Variants in PPM1L observed in about 807,000 individuals in gnomAD.
The protein encoded by PPM1L is protein phosphatase, Mg2+/Mn2+ dependent 1L, also known as protein phosphatase 1L.
Under a neutral mutation model 31.4 loss-of-function variants are expected in PPM1L, and 13 were observed. That is an observed-to-expected ratio of 0.41 (90% confidence interval 0.27 to 0.66). The LOEUF (loss-of-function observed/expected upper bound fraction) is 0.66. PPM1L is among the 30% of genes least tolerant of loss of function. PPM1L has a pLI of 0.29. For synonymous variants in PPM1L, 184 were observed against 175.4 expected (o/e 1.05, Z -0.39); for missense variants, 326 against 453.7 (o/e 0.72, Z 2.56).
At chr3:161,045,344 A>T in intron 2 of PPM1L, among the ~76,000 whole-genome samples, 1 of 152,222 alleles carries the variant, frequency 6.6e-6, no homozygotes, top group East Asian at 1.9e-4. Flanking sequence ...CATCGCACTT[A>T]TTCCAAAATT....
chr3:160,832,638 C>G (rs1026951871), intron 1 of PPM1L, among the ~76,000 whole-genome samples: 1 of 151,996 alleles, frequency 6.6e-6, no homozygotes, highest in Non-Finnish European at 1.5e-5. Flanking sequence ...CACTAAGCTT[C>G]CCCCAGTGAT....
chr3:161,057,042 A>G (rs1341012112), intron 2 of PPM1L, among the ~76,000 whole-genome samples: 1 of 151,576 alleles, frequency 6.6e-6, no homozygotes, highest in Non-Finnish European at 1.5e-5. Flanking sequence ...CAGCCCGGGC[A>G]ACAAGAGTGA....
rs1016158819 is a variant in PPM1L at position 160,980,589 on chromosome 3, G to A, written c.574+18679G>A. ...AGGCTGAGGTGAGAGGATCGCTTGA[G>A]CCCTGGAGGTTGAGGCTGCAGTGAG... On this transcript the variant is annotated intron_variant, in intron 2 of 3. Transcript: ENST00000498165. Among the ~76,000 whole-genome samples, 9 of 152,040 alleles carry A rather than the reference G, an allele frequency of 5.9e-5. 1 individual carries two copies. The highest frequency in any genetic ancestry group is 3.9e-4 in the Admixed American group (6 of 15,256).
At chr3:160,877,049 G>C (rs1466026622) in intron 1 of PPM1L, among the ~76,000 whole-genome samples, 1 of 152,156 alleles carries the variant, frequency 6.6e-6, no homozygotes, top group Non-Finnish European at 1.5e-5. Context: ...CAGGAATCCA[G>C]CCAAGGACAA....
chr3:160,852,607 A>C (rs1377820933), intron 1 of PPM1L, among the ~76,000 whole-genome samples: 1 of 152,184 alleles, frequency 6.6e-6, no homozygotes, highest in Non-Finnish European at 1.5e-5. Flanking sequence ...TGCTTCAAAA[A>C]CCAATGCTAT....
chr3:160,808,383 C>CTGTGTGTGTGTGTGTGTGTG (rs71912617), intron 1 of PPM1L, among the ~76,000 whole-genome samples: 7 of 110,366 alleles, frequency 6.3e-5, no homozygotes, highest in Non-Finnish European at 1.2e-4. Flanking sequence ...CAGGATTTTC[C>CTGTGTGTGTGTGTGTGTGTG]TGTGTGTGTG....
chr3:160,954,630 C>T (rs1559901656), intron 1 of PPM1L, among the ~76,000 whole-genome samples: 1 of 152,116 alleles, frequency 6.6e-6, no homozygotes, highest in East Asian at 1.9e-4. Flanking sequence ...TCCCAAAATC[C>T]TAGGATTACG....
chr3:160,825,772 A>G (rs959668936), intron 1 of PPM1L, among the ~76,000 whole-genome samples: 2 of 152,168 alleles, frequency 1.3e-5, no homozygotes, highest in African/African-American at 4.8e-5. Context: ...TTTTAGCAAC[A>G]AGAGATAAAT....
chr3:161,047,582 A>G (rs1426186620), intron 2 of PPM1L, among the ~76,000 whole-genome samples: 1 of 152,212 alleles, frequency 6.6e-6, no homozygotes, highest in Admixed American at 6.5e-5. Context: ...ATTGGAAAAA[A>G]CTACTTTAAA....
chr3:160,970,787 ATTT>A (rs71628437), intron 2 of PPM1L, among the ~76,000 whole-genome samples: 3 of 97,194 alleles, frequency 3.1e-5, no homozygotes, highest in African/African-American at 4.5e-5. Context: ...TTCAGTTATA[ATTT>A]TTTTTTTTTT....
intron 2 of PPM1L, among the ~76,000 whole-genome samples, chr3:160,971,459 G>A (rs1018994801): frequency 6.6e-6 from 1 of 152,180 alleles, no homozygotes; most frequent in Non-Finnish European, 1.5e-5. Flanking sequence ...TGCTCATGTG[G>A]GAGGGCAGAG....
In PPM1L at chr3:161,006,656, A is replaced by G. The variant is rs543270717; in HGVS notation, c.574+44746A>G. The stretch of plus-strand genomic sequence containing the variant: ...GTTTAAAGCTTTTATGCCATCAAAC[A>G]CTTCAGAAAACCCACCGTCTTTCCT... On this transcript the variant is annotated intron_variant, in intron 2 of 3. Transcript: ENST00000498165. Among the ~76,000 whole-genome samples the G allele has an allele frequency of 4.7e-5, 7 of 149,410 alleles. No individual in the cohort carries two copies. In the South Asian group the frequency reaches 1.1e-3, roughly 23 times the overall value.
At chr3:161,028,087 C>T (rs1187282083) in intron 2 of PPM1L, among the ~76,000 whole-genome samples, 1 of 152,170 alleles carries the variant, frequency 6.6e-6, no homozygotes, top group Non-Finnish European at 1.5e-5. Context: ...AGGCTCTTCT[C>T]ATAATCAGAA....
chr3:161,062,244 T>C (rs993819415), intron 2 of PPM1L, among the ~76,000 whole-genome samples: 1 of 152,194 alleles, frequency 6.6e-6, no homozygotes, highest in African/African-American at 2.4e-5. Flanking sequence ...GGTATTATCC[T>C]AAACTTCTCC....
At chr3:160,877,338 T>A (rs558352334) in intron 1 of PPM1L, among the ~76,000 whole-genome samples, 1 of 152,340 alleles carries the variant, frequency 6.6e-6, no homozygotes, top group Admixed American at 6.5e-5. Flanking sequence ...TTTTCACATC[T>A]CCAATTTCAT....
chr3:160,974,321 G>A (rs988681944), intron 2 of PPM1L, among the ~76,000 whole-genome samples: 43 of 151,900 alleles, frequency 2.8e-4, no homozygotes, highest in African/African-American at 5.6e-4. Context: ...GAATAATGCC[G>A]CAATAAACAT....
Position 160,924,282 on chromosome 3 carries a change from G to A in PPM1L, c.400-37454G>A, listed in dbSNP as rs73019328. ...ACCAGCTTGAAGCCTAGAAATTTTG[G>A]ATACATTGAAGAATCCAATCTTCTG... On this transcript the variant is annotated intron_variant, in intron 1 of 3. Transcript: ENST00000498165. 8.1e-3 allele frequency among the ~76,000 whole-genome samples: 1,230 copies of A among 152,240 alleles called. 13 individuals carry two copies. The highest frequency in any genetic ancestry group is 0.028 in the African/African-American group (1,171 of 41,536).
At position 160,935,354 on chromosome 3, in the gene PPM1L, A is replaced by G. The variant is rs1228810946; in HGVS notation, c.400-26382A>G. 2.0e-5 allele frequency among the ~76,000 whole-genome samples: 3 copies of G among 152,212 alleles called. No homozygotes were observed. The East Asian group carries it at 5.8e-4, about 29-fold the overall frequency. ...TCTTCTTTAAAGAATGGTATAATTT[A>G]CAACAGTCAGGGTAACCTTTCTGGA... is the stretch of plus-strand genomic sequence containing the variant. On this transcript the variant is annotated intron_variant, in intron 1 of 3. Transcript: ENST00000498165.
At chr3:160,905,851 T>TA (rs1160204559) in intron 1 of PPM1L, among the ~76,000 whole-genome samples, 1 of 152,150 alleles carries the variant, frequency 6.6e-6, no homozygotes, top group African/African-American at 2.4e-5. Context: ...AACATTTTTT[T>TA]AAAAATCACA....
Sources: gnomAD v4.1 joint callset for allele counts (sites outside exome capture counted in the v4.1 genomes callset) on GRCh38, gnomAD v4.1.1 for gene constraint, MANE v1.5 for transcripts, NCBI Gene and HGNC (gene_info 2026-07-23, HGNC 2026-07-21) for gene names.